SCRN1: variants seen among roughly 807,000 people sequenced by gnomAD.
The protein encoded by SCRN1 is secernin-1.
Under a neutral mutation model 43.3 loss-of-function variants are expected in SCRN1, and 19 were observed. That is an observed-to-expected ratio of 0.44 (90% CI 0.31 to 0.64). SCRN1 has a LOEUF of 0.64. Ranked by LOEUF, SCRN1 falls within the 30% of genes least tolerant of loss-of-function variation. SCRN1 has a pLI of 0.09. For missense variants in SCRN1, 447 were observed against 524.1 expected (o/e 0.85, Z 1.44); for synonymous variants, 183 against 188.9 (o/e 0.97, Z 0.26).
chr7:29,982,829 G>A (rs1789031108), intron 1 of SCRN1, among the ~76,000 whole-genome samples: 1 of 151,320 alleles, frequency 6.6e-6, no homozygotes, highest in Admixed American at 6.6e-5. Flanking sequence ...TCAATCAAGG[G>A]CAAGAAGTGT....
chr7:29,938,726 G>T (rs1217113353), intron 5 of SCRN1, among the ~76,000 whole-genome samples: 1 of 152,202 alleles, frequency 6.6e-6, no homozygotes, highest in Non-Finnish European at 1.5e-5. Context: ...AATACTTTTA[G>T]TTAATCTATA....
intron 3 of SCRN1, among the ~76,000 whole-genome samples, chr7:29,952,487 C>T (rs974965540): frequency 5.3e-5 from 8 of 152,004 alleles, no homozygotes; most frequent in Admixed American, 3.3e-4. Flanking sequence ...GTCAGAAGTT[C>T]GAGACCAGCC....
intron 2 of SCRN1, among the ~76,000 whole-genome samples, chr7:29,966,204 A>AGAGAGAGC (rs1554360370): frequency 6.9e-6 from 1 of 145,592 alleles, no homozygotes; most frequent in South Asian, 2.2e-4. Flanking sequence ...AGAGAGAGAG[A>AGAGAGAGC]AGCTGTATCC....
intron 3 of SCRN1, among the ~76,000 whole-genome samples, chr7:29,953,743 C>T (rs1034513099): frequency 6.6e-6 from 1 of 152,160 alleles, no homozygotes; most frequent in Non-Finnish European, 1.5e-5. Flanking sequence ...GTGTCCCTCG[C>T]AGACCTCTCC....
chr7:29,986,276 A>G (rs1410884120), intron 1 of SCRN1, among the ~76,000 whole-genome samples: 3 of 152,234 alleles, frequency 2.0e-5, no homozygotes, highest in African/African-American at 7.2e-5. Flanking sequence ...TTGCAATTTT[A>G]TATTTTCTAG....
In SCRN1 at chr7:29,950,600, G is replaced by C. The variant is rs1787888967; in HGVS notation, c.341+4579C>G. 6.6e-6 allele frequency among the ~76,000 whole-genome samples: 1 copy of C among 152,162 alleles called. No individual in the cohort carries two copies. Among genetic ancestry groups the C allele is most frequent in the South Asian group, 2.1e-4 (1 of 4,834 alleles). On this transcript the variant is annotated intron_variant, in intron 3 of 7. Coordinates refer to ENST00000242059, the MANE Select transcript of SCRN1 (RefSeq NM_014766.5). This position sits in a 1 kb window ranked among gnomAD's most constrained non-coding sequence, Gnocchi z 4.5. ...AACTTATGGTGCTTTTTCCAGGCTT[G>C]CCCATGACCCGATCAGCACACACTT...
At chr7:29,941,820 G>A (rs1008694054) in intron 4 of SCRN1, among the ~76,000 whole-genome samples, 4 of 152,178 alleles carry the variant, frequency 2.6e-5, no homozygotes, top group Non-Finnish European at 5.9e-5. Context: ...ATGCTGTCTA[G>A]GGCACAAACA....
chr7:29,930,457 C>T (rs541981490), intron 6 of SCRN1, among the ~76,000 whole-genome samples: 9 of 152,306 alleles, frequency 5.9e-5, no homozygotes, highest in African/African-American at 1.7e-4. Context: ...AAGCCACAGA[C>T]GGTAGCTTCT....
chr7:29,982,323 T>A (rs1453589687), intron 1 of SCRN1, among the ~76,000 whole-genome samples: 5 of 152,246 alleles, frequency 3.3e-5, no homozygotes, highest in Non-Finnish European at 7.4e-5. Context: ...AATCACTTAA[T>A]CCTCACAATA....
intron 3 of SCRN1, among the ~76,000 whole-genome samples, chr7:29,954,557 T>C (rs2128093790): frequency 6.6e-6 from 1 of 152,332 alleles, no homozygotes; most frequent in East Asian, 1.9e-4. Flanking sequence ...CCTGCCTCTA[T>C]GGATTTGCCT....
chr7:29,976,149 T>G (rs1339496155), intron 1 of SCRN1, among the ~76,000 whole-genome samples: 1 of 152,180 alleles, frequency 6.6e-6, no homozygotes, highest in Non-Finnish European at 1.5e-5. Flanking sequence ...AGCCACCAGT[T>G]TTCCTTCAGA....
At chr7:29,983,929 G>A (rs1789069472) in intron 1 of SCRN1, among the ~76,000 whole-genome samples, 1 of 152,170 alleles carries the variant, frequency 6.6e-6, no homozygotes, top group Non-Finnish European at 1.5e-5. Flanking sequence ...AGATTGGCCA[G>A]GCGCAGTGGC....
intron 2 of SCRN1, among the ~76,000 whole-genome samples, chr7:29,967,697 C>G (rs545885010): frequency 6.6e-6 from 1 of 152,242 alleles, no homozygotes; most frequent in South Asian, 2.1e-4. Context: ...ACATAAAACC[C>G]GAGCTATAAG....
intron 1 of SCRN1, chr7:29,969,963 C>T (rs1423206451): frequency 1.6e-5 from 7 of 433,694 alleles, no homozygotes; most frequent in Non-Finnish European, 3.3e-5. Context: ...TACATTCCAT[C>T]TCCTAAATCT....
At position 29,923,007 on chromosome 7, in the gene SCRN1, A is replaced by G. The variant is rs934263957; in HGVS notation, c.*950T>C. ...TTTAACTAGAATCTAAATAGTCAAG[A>G]GTTCTTCCTTTTCTTTCCCTCCTTG... On this transcript the variant is annotated 3_prime_UTR_variant, in exon 8 of 8. Coordinates refer to ENST00000242059, the MANE Select transcript of SCRN1 (RefSeq NM_014766.5). 6.6e-6 allele frequency: 1 copy of G among 152,026 alleles called. No homozygotes were observed. Among genetic ancestry groups the G allele is most frequent in the Non-Finnish European group, 1.5e-5 (1 of 68,016 alleles). 9.4% of individuals were successfully genotyped at this position (152,026 alleles called of 1,614,324 possible).
At chr7:29,933,215 T>C (rs1787219062) in intron 6 of SCRN1, among the ~76,000 whole-genome samples, 1 of 152,188 alleles carries the variant, frequency 6.6e-6, no homozygotes, top group South Asian at 2.1e-4. Context: ...TTTTCCTGCA[T>C]GTGGGGACCT....
intron 7 of SCRN1, among the ~76,000 whole-genome samples, chr7:29,925,876 T>G: frequency 7.0e-6 from 1 of 142,036 alleles, no homozygotes; most frequent in Admixed American, 7.1e-5. Context: ...AAAAAAACCC[T>G]AGGAATATGA....
At chr7:29,977,804 G>C (rs757367267) in intron 1 of SCRN1, among the ~76,000 whole-genome samples, 9 of 152,204 alleles carry the variant, frequency 5.9e-5, no homozygotes, top group Non-Finnish European at 1.3e-4. Flanking sequence ...GATAATGATA[G>C]GTAGTTCATT....
At position 29,940,889 on chromosome 7, in the gene SCRN1, C is replaced by T; in HGVS notation, c.545-13G>A. The T allele has an allele frequency of 6.7e-7, 1 of 1,485,544 alleles. No homozygotes were observed. Among genetic ancestry groups the T allele is most frequent in the Non-Finnish European group, 8.9e-7 (1 of 1,121,822 alleles). The allele number at this position is 1,485,544 out of a possible 1,614,324, so 92.0% of individuals were successfully genotyped here. A position where few individuals can be genotyped will look rare whatever the true frequency, so the allele number is the denominator to read the frequency against. On this transcript the variant is annotated splice_polypyrimidine_tract_variant and intron_variant, in intron 4 of 7. Coordinates refer to ENST00000242059, the MANE Select transcript of SCRN1 (RefSeq NM_014766.5). ...CACCTCACTCCCTCTGCAGAGAGTG[C>T]AAAGCCCCATAAGTTAAAAATATAC...
Sources: gnomAD v4.1 joint callset for allele counts (sites outside exome capture counted in the v4.1 genomes callset) on GRCh38, gnomAD v4.1.1 for gene constraint, Gnocchi (gnomAD v3.1) non-coding constraint, MANE v1.5 for transcripts, NCBI Gene and HGNC (gene_info 2026-07-23, HGNC 2026-07-21) for gene names.